CHST8: variants seen among roughly 807,000 people sequenced by gnomAD.
CHST8 encodes GALNAC-4-ST1.
Under a neutral mutation model 15.0 loss-of-function variants are expected in CHST8, and 10 were observed. The ratio of observed to expected loss-of-function variants is 0.67; its 90% CI spans 0.41 to 1.13. CHST8 has a LOEUF of 1.13. Among genes scored for constraint, CHST8 ranks in the 50% most tolerant of loss-of-function variants. The probability of loss-of-function intolerance (pLI) is 0.00; values close to 1 mark genes in which losing one functional copy is unlikely to be tolerated. For missense variants in CHST8, 634 were observed against 608.2 expected, an observed-to-expected ratio of 1.04 and a Z score of -0.45; for synonymous variants, 259 against 256.6, an observed-to-expected ratio of 1.01 and a Z score of -0.09.
chr19:33,757,502 G>T lies in CHST8; in HGVS notation c.131-13911G>T, dbSNP rs187887320. Among the ~76,000 whole-genome samples, 410 of 45,010 alleles carry T rather than the reference G, an allele frequency of 9.1e-3. 40 individuals carry two copies. Among genetic ancestry groups the T allele is most frequent in the African/African-American group, 0.028 (275 of 9,860 alleles). The allele number at this position is 45,010 out of a possible 152,430, so 29.5% of individuals were successfully genotyped here. A position where few individuals can be genotyped will look rare whatever the true frequency, so the allele number is the denominator to read the frequency against. On this transcript the variant is annotated intron_variant, in intron 3 of 4. Coordinates refer to ENST00000650847, the MANE Select transcript of CHST8 (RefSeq NM_001127895.2). The stretch of plus-strand genomic sequence containing the variant: ...AGAAAGAAAGAAAGAAAGAAAGAAA[G>T]AAAGAAAGAAAGAAAGAAAGAGAAA...
intron 3 of CHST8, among the ~76,000 whole-genome samples, chr19:33,711,798 AT>A (rs1973556349): frequency 6.6e-6 from 1 of 151,904 alleles, no homozygotes; most frequent in African/African-American, 2.4e-5. Context: ...CACCCAGCTA[AT>A]TTTTGTATTT....
intron 2 of CHST8, among the ~76,000 whole-genome samples, chr19:33,681,581 C>A (rs1416631127): frequency 2.0e-5 from 3 of 152,174 alleles, no homozygotes; most frequent in Admixed American, 6.5e-5. Context: ...CTGAAGCCTA[C>A]CTGGCATGCT....
At chr19:33,679,196 T>A (rs1242316557) in intron 2 of CHST8, among the ~76,000 whole-genome samples, 2 of 152,242 alleles carry the variant, frequency 1.3e-5, no homozygotes, top group Non-Finnish European at 2.9e-5. Flanking sequence ...CAACTTTCAA[T>A]TTTGAGAAGT....
chr19:33,666,483 G>A (rs1972662790), intron 1 of CHST8, among the ~76,000 whole-genome samples: 1 of 152,202 alleles, frequency 6.6e-6, no homozygotes, highest in Non-Finnish European at 1.5e-5. Flanking sequence ...GACCAGCAGA[G>A]TTACACTGCA....
intron 1 of CHST8, among the ~76,000 whole-genome samples, chr19:33,666,485 T>G (rs767481152): frequency 6.6e-6 from 1 of 152,070 alleles, no homozygotes; most frequent in East Asian, 1.9e-4. Context: ...CCAGCAGAGT[T>G]ACACTGCAGA....
intron 2 of CHST8, among the ~76,000 whole-genome samples, chr19:33,674,833 A>G (rs1972789152): frequency 6.6e-6 from 1 of 152,170 alleles, no homozygotes; most frequent in Non-Finnish European, 1.5e-5. Flanking sequence ...AGACCTGCTG[A>G]GCTGGGGTGA....
chr19:33,768,956 T>C (rs1187384128), intron 3 of CHST8, among the ~76,000 whole-genome samples: 2 of 152,192 alleles, frequency 1.3e-5, no homozygotes, highest in African/African-American at 4.8e-5. Context: ...TGGACACATG[T>C]AAACAGGAAA....
At chr19:33,635,867 G>A (rs192183492) in intron 1 of CHST8, among the ~76,000 whole-genome samples, 130 of 152,220 alleles carry the variant, frequency 8.5e-4, no homozygotes, top group African/African-American at 2.8e-3. Flanking sequence ...CAAGCTTTGG[G>A]ACTACAGTGC....
intron 2 of CHST8, among the ~76,000 whole-genome samples, chr19:33,675,766 A>AGCTGTAGGAACCAGCTTCTGACCAGTGAG (rs1972801398): frequency 6.6e-6 from 1 of 152,258 alleles, no homozygotes; most frequent in Admixed American, 6.5e-5. Flanking sequence ...CTGGTCACAG[A>AGCTGTAGGAACCAGCTTCTGACCAGTGAG]GCTGTAGGAA....
chr19:33,661,486 G>A lies in CHST8; in HGVS notation c.-163-6281G>A, dbSNP rs574029169. On this transcript the variant is annotated intron_variant, in intron 1 of 4. Coordinates refer to ENST00000650847, the MANE Select transcript of CHST8 (RefSeq NM_001127895.2). ...GGGTAACTTCTGTAAGCAAAGCTCC[G>A]CACTCACGGAGCCCCTCTGTCTTTC... Among the ~76,000 whole-genome samples, 22 of 152,296 alleles carry A rather than the reference G, an allele frequency of 1.4e-4. No homozygotes were observed. In the East Asian group the frequency reaches 3.9e-3, roughly 27 times the overall value.
At chr19:33,664,586 T>C (rs1435440032) in intron 1 of CHST8, among the ~76,000 whole-genome samples, 1 of 151,896 alleles carries the variant, frequency 6.6e-6, no homozygotes, top group African/African-American at 2.4e-5. Context: ...TGAGTGATTA[T>C]GTTAAGTGGC....
intron 3 of CHST8, among the ~76,000 whole-genome samples, chr19:33,732,207 G>A (rs1334233506): frequency 6.6e-6 from 1 of 152,186 alleles, no homozygotes; most frequent in Non-Finnish European, 1.5e-5. Flanking sequence ...CGTCACTCAG[G>A]AGATCCTCTT....
At chr19:33,627,551 G>A (rs1369270654) in intron 1 of CHST8, among the ~76,000 whole-genome samples, 2 of 152,144 alleles carry the variant, frequency 1.3e-5, no homozygotes, top group Non-Finnish European at 2.9e-5. Flanking sequence ...TCTTACATCC[G>A]CACTCCGCAC....
At chr19:33,674,806 G>A (rs1972788898) in intron 2 of CHST8, among the ~76,000 whole-genome samples, 1 of 152,188 alleles carries the variant, frequency 6.6e-6, no homozygotes, top group East Asian at 1.9e-4. Context: ...CCTGACCTTG[G>A]GCAGCAACTA....
chr19:33,744,574 T>A (rs1974274238), intron 3 of CHST8: 1 of 151,940 alleles, frequency 6.6e-6, no homozygotes, highest in Non-Finnish European at 1.5e-5. Context: ...CATTTTTTTT[T>A]CTTTAAGAGA....
At chr19:33,669,040 A>G (rs985935985) in intron 2 of CHST8, among the ~76,000 whole-genome samples, 2 of 152,164 alleles carry the variant, frequency 1.3e-5, no homozygotes, top group African/African-American at 2.4e-5. Flanking sequence ...AGTTGCTTCT[A>G]ATGTTATGAG....
chr19:33,758,309 T>C (rs1299398054), intron 3 of CHST8, among the ~76,000 whole-genome samples: 1 of 152,116 alleles, frequency 6.6e-6, no homozygotes, highest in Non-Finnish European at 1.5e-5. Context: ...GGGACCCCTG[T>C]GGGTACAGTC....
chr19:33,694,264 C>A (rs576742764), intron 3 of CHST8, among the ~76,000 whole-genome samples: 1 of 131,160 alleles, frequency 7.6e-6, no homozygotes, highest in Non-Finnish European at 1.6e-5. Flanking sequence ...GTAAATAGTT[C>A]GTTCTTTTAA....
chr19:33,743,296 C>CTTTTTTT (rs916165328), intron 3 of CHST8, among the ~76,000 whole-genome samples: 9 of 98,258 alleles, frequency 9.2e-5, no homozygotes, highest in African/African-American at 2.0e-4. Flanking sequence ...CACAGCAATT[C>CTTTTTTT]TTTTTTTTTT....
Sources: allele counts gnomAD v4.1 joint callset (sites outside exome capture counted in the v4.1 genomes callset), GRCh38; gene constraint gnomAD v4.1.1; transcripts MANE v1.5; gene names NCBI Gene and HGNC (gene_info 2026-07-23, HGNC 2026-07-21).